ATRX: variants seen among roughly 807,000 people sequenced by gnomAD.
ATRX encodes the protein chromatin remodeler ATRX.
In ATRX, 12 loss-of-function variants were observed where a neutral mutation model predicts 172.6. The ratio of observed to expected loss-of-function variants is 0.07; its 90% confidence interval spans 0.04 to 0.11. The LOEUF is 0.11. Among genes scored for constraint, ATRX ranks in the 10% least tolerant of loss-of-function variants. The pLI is 1.00. For synonymous variants in ATRX, 674 were observed against 594.7 expected, an observed-to-expected ratio of 1.13 and a Z score of -1.94; for missense variants, 1,368 against 1,767.4, an observed-to-expected ratio of 0.77 and a Z score of 4.05.
chrX:77,745,264 A>G (rs1224584322), intron 1 of ATRX, among the ~76,000 whole-genome samples: 1 of 109,707 alleles, frequency 9.1e-6, no homozygotes, highest in African/African-American at 3.3e-5. Context: ...GGAAATCAGT[A>G]TATCAAAGAG....
intron 7 of ATRX, among the ~76,000 whole-genome samples, chrX:77,687,411 A>C (rs182588922): frequency 5.4e-5 from 6 of 111,687 alleles, no homozygotes; most frequent in African/African-American, 1.6e-4. Context: ...TTAATATGTA[A>C]ATAAATCTAA....
intron 27 of ATRX, among the ~76,000 whole-genome samples, chrX:77,574,847 C>A (rs895566213): frequency 3.6e-5 from 4 of 110,670 alleles, no homozygotes; most frequent in African/African-American, 1.3e-4. Flanking sequence ...GGGGTAGCTG[C>A]AAATTTCAGT....
intron 34 of ATRX, among the ~76,000 whole-genome samples, 188 bp from the exon 35 acceptor site, chrX:77,508,817 T>C (rs1557035083): frequency 8.9e-6 from 1 of 112,313 alleles, no homozygotes; most frequent in Non-Finnish European, 1.9e-5. Flanking sequence ...TAAGATCATT[T>C]AGGGCTAAAT....
intron 27 of ATRX, among the ~76,000 whole-genome samples, chrX:77,585,994 G>A (rs1172813413): frequency 9.0e-6 from 1 of 111,423 alleles, no homozygotes; most frequent in Non-Finnish European, 1.9e-5. Context: ...GGCTGGGAAG[G>A]GTAGTGGGTG....
chrX:77,652,801 T>C (rs1421064115), intron 14 of ATRX, among the ~76,000 whole-genome samples: 4 of 104,342 alleles, frequency 3.8e-5, no homozygotes, highest in African/African-American at 1.4e-4. Context: ...AGCGAGACTC[T>C]GTCTCAAAAA....
intron 12 of ATRX, among the ~76,000 whole-genome samples, chrX:77,659,567 G>A (rs1205841332): frequency 6.5e-5 from 7 of 107,436 alleles, no homozygotes; most frequent in African/African-American, 1.0e-4. Context: ...GTGATATTAA[G>A]CGCGGATGAC....
rs1485728939 is a variant in ATRX, at chrX:77,597,014, T to C, written c.5956+2397A>G. ...ACTTTATATATTTTTAATTATGAGA[T>C]GAGAGACTGAGGAATTTATGTGGAA... On this transcript the variant is annotated intron_variant, in intron 25 of 34. Coordinates refer to ENST00000373344, the MANE Select transcript of ATRX (RefSeq NM_000489.6). 4.5e-5 allele frequency: 5 copies of C among 110,920 alleles called. No homozygotes were observed. In the Admixed American group the frequency reaches 4.8e-4, roughly 11 times the overall value. The allele number at this position is 110,920 out of a possible 1,213,427, so 9.1% of individuals were successfully genotyped here. A position where few individuals can be genotyped will look rare whatever the true frequency, so the allele number is the denominator to read the frequency against.
Position 77,538,730 on chromosome X carries a change from T to C in ATRX, c.6700-15329A>G, listed in dbSNP as rs1367820798. Among the ~76,000 whole-genome samples, 4 of 111,478 alleles carry C rather than the reference T, an allele frequency of 3.6e-5. No homozygotes were observed. In the East Asian group the frequency reaches 8.4e-4, roughly 23 times the overall value. On this transcript the variant is annotated intron_variant, in intron 30 of 34. Coordinates refer to ENST00000373344, the MANE Select transcript of ATRX (RefSeq NM_000489.6). ...GAGCAATTGTGAGGATCAAATAATG[T>C]TGGAACTATAAGAAACTTTGGAAGT...
intron 19 of ATRX, among the ~76,000 whole-genome samples, chrX:77,626,700 T>A (rs1569532511): frequency 8.9e-6 from 1 of 111,919 alleles, no homozygotes; most frequent in Non-Finnish European, 1.9e-5. Flanking sequence ...AATACATGCT[T>A]CTGTAAGCAC....
intron 1 of ATRX, among the ~76,000 whole-genome samples, chrX:77,717,733 G>A (rs1332445155): frequency 9.0e-5 from 10 of 110,545 alleles, no homozygotes; most frequent in African/African-American, 1.3e-4. Flanking sequence ...TAAACATTTC[G>A]AAAATACTGA....
At chrX:77,627,558 C>T (rs1217566109) in intron 19 of ATRX, among the ~76,000 whole-genome samples, 2 of 110,329 alleles carry the variant, frequency 1.8e-5, no homozygotes, top group Non-Finnish European at 3.8e-5. Context: ...ACGAGACCCT[C>T]GTCTCCAAAA....
At chrX:77,573,948 CTG>C (rs1440223546) in intron 28 of ATRX, among the ~76,000 whole-genome samples, 1 of 111,305 alleles carries the variant, frequency 9.0e-6, no homozygotes, top group Non-Finnish European at 1.9e-5. Flanking sequence ...GCTGAACAAA[CTG>C]TGATATAGCC....
At chrX:77,606,380 A>G (rs1260541200) in intron 22 of ATRX, among the ~76,000 whole-genome samples, 1 of 111,457 alleles carries the variant, frequency 9.0e-6, no homozygotes, top group African/African-American at 3.3e-5. Flanking sequence ...TACTAATTCC[A>G]ATCCTCCTCA....
intron 28 of ATRX, among the ~76,000 whole-genome samples, chrX:77,572,164 G>C (rs1266716524): frequency 1.8e-5 from 2 of 110,742 alleles, no homozygotes; most frequent in African/African-American, 6.5e-5. Flanking sequence ...AGCTACTCAA[G>C]AGCAACTCCC....
chrX:77,574,640 A>C lies in ATRX; in HGVS notation c.6218-282T>G, dbSNP rs781819889. On this transcript the variant is annotated intron_variant, in intron 27 of 34. Coordinates refer to ENST00000373344, the MANE Select transcript of ATRX (RefSeq NM_000489.6). ...AGGGTTTCCTTGATTAGAATCCTTA[A>C]AACTGTCAAAAGAATATGATTAAAC... Among the ~76,000 whole-genome samples the C allele has an allele frequency of 6.3e-5, 7 of 111,995 alleles. No individual in the cohort carries two copies. In the South Asian group the frequency reaches 2.6e-3, roughly 41 times the overall value.
intron 28 of ATRX, among the ~76,000 whole-genome samples, chrX:77,570,263 C>T (rs1173767723): frequency 9.2e-6 from 1 of 109,256 alleles, no homozygotes; most frequent in African/African-American, 3.3e-5. Context: ...ACTGCAGCCT[C>T]GACCTCCTGA....
At chrX:77,626,345 G>A (rs1250923515) in intron 19 of ATRX, among the ~76,000 whole-genome samples, 4 of 107,855 alleles carry the variant, frequency 3.7e-5, no homozygotes, top group African/African-American at 6.8e-5. Flanking sequence ...TATACTGCTC[G>A]GGTGATGGAT....
chrX:77,605,290 T>C (rs1351817247), intron 22 of ATRX, among the ~76,000 whole-genome samples: 1 of 110,677 alleles, frequency 9.0e-6, no homozygotes, highest in South Asian at 3.9e-4. Context: ...TAGCCAAGCA[T>C]GGTGGTGGGC....
chrX:77,768,259 A>C (rs782530171), intron 1 of ATRX, among the ~76,000 whole-genome samples: 9 of 112,042 alleles, frequency 8.0e-5, no homozygotes, highest in African/African-American at 2.9e-4. Flanking sequence ...CACCACTGTT[A>C]ATTTATCATC....
Sources: gnomAD v4.1 joint callset for allele counts (sites outside exome capture counted in the v4.1 genomes callset) on GRCh38, gnomAD v4.1.1 for gene constraint, MANE v1.5 for transcripts, NCBI Gene and HGNC (gene_info 2026-07-23, HGNC 2026-07-21) for gene names.